PEX5L: variants seen among roughly 807,000 people sequenced by gnomAD.
PEX5L encodes PEX5-related protein.
A neutral mutation model predicts 84.0 loss-of-function variants in PEX5L; 30 were observed. The ratio of observed to expected loss-of-function variants is 0.36; its 90% CI spans 0.27 to 0.48. The LOEUF is 0.48. PEX5L is among the 20% of genes least tolerant of loss of function. The pLI is 0.99. For missense variants in PEX5L, 533 were observed against 754.6 expected (o/e 0.71, Z 3.44); for synonymous variants, 270 against 283.1 (o/e 0.95, Z 0.46).
chr3:179,945,005 A>G (rs1777135935), intron 2 of PEX5L, among the ~76,000 whole-genome samples: 1 of 152,240 alleles, frequency 6.6e-6, no homozygotes, highest in Admixed American at 6.5e-5. Flanking sequence ...GCTGATTTCA[A>G]AGTTACATTT....
intron 3 of PEX5L, among the ~76,000 whole-genome samples, chr3:179,893,230 T>TGA (rs1758140547): frequency 6.6e-6 from 1 of 152,128 alleles, no homozygotes; most frequent in African/African-American, 2.4e-5. Context: ...CAATACAGTG[T>TGA]TTTCTTTGTG....
chr3:179,888,231 T>C, intron 3 of PEX5L: 1 of 1,150,576 alleles, frequency 8.7e-7, no homozygotes, highest in Non-Finnish European at 1.2e-6. Context: ...AACACACGGA[T>C]CAGTGTGGGT....
At chr3:179,807,171 T>C (rs1194547790) in intron 14 of PEX5L, among the ~76,000 whole-genome samples, 1 of 152,172 alleles carries the variant, frequency 6.6e-6, no homozygotes, top group East Asian at 1.9e-4. Context: ...TTTTTTCTTT[T>C]CTCCCAACTA....
chr3:180,030,262 G>C (rs1791332322), intron 1 of PEX5L, among the ~76,000 whole-genome samples: 1 of 152,154 alleles, frequency 6.6e-6, no homozygotes, highest in African/African-American at 2.4e-5. Context: ...TCTTGGAATA[G>C]GGGCCTATGT....
chr3:179,914,370 G>C (rs941593961), intron 2 of PEX5L, among the ~76,000 whole-genome samples: 3 of 152,162 alleles, frequency 2.0e-5, no homozygotes, highest in African/African-American at 7.2e-5. Context: ...ACTGTGCTCT[G>C]TCTGCAGAGG....
intron 8 of PEX5L, 84 bp downstream of exon 8, chr3:179,858,978 C>T: frequency 1.2e-6 from 1 of 819,984 alleles, no homozygotes; most frequent in South Asian, 1.4e-5. Context: ...AGACCCATTT[C>T]ATTTCTATCT....
At chr3:179,992,556 A>ATTTTATGCC (rs1176434356) in intron 1 of PEX5L, among the ~76,000 whole-genome samples, 1 of 152,208 alleles carries the variant, frequency 6.6e-6, no homozygotes, top group Non-Finnish European at 1.5e-5. Context: ...TAAACACTGA[A>ATTTTATGCC]TTTTATGCCA....
At chr3:179,972,237 T>C (rs907361081) in intron 1 of PEX5L, among the ~76,000 whole-genome samples, 4 of 151,924 alleles carry the variant, frequency 2.6e-5, no homozygotes, top group Non-Finnish European at 5.9e-5. Context: ...AAATTAGGTA[T>C]TCGAAAAGTT....
At chr3:179,830,825 C>A (rs1320180391) in intron 8 of PEX5L, among the ~76,000 whole-genome samples, 1 of 152,118 alleles carries the variant, frequency 6.6e-6, no homozygotes, top group African/African-American at 2.4e-5. Context: ...GAGAAAAAAC[C>A]CCACTCTCTG....
intron 7 of PEX5L, among the ~76,000 whole-genome samples, chr3:179,861,671 C>A (rs1385223543): frequency 6.6e-6 from 1 of 152,216 alleles, no homozygotes. Flanking sequence ...AGACACCTGA[C>A]ACAGGGAGGG....
chr3:179,810,764 G>A (rs1723449986), intron 11 of PEX5L, among the ~76,000 whole-genome samples: 1 of 152,180 alleles, frequency 6.6e-6, no homozygotes, highest in East Asian at 1.9e-4. Context: ...ACACCTGGGA[G>A]TTTTAAAACT....
intron 1 of PEX5L, among the ~76,000 whole-genome samples, chr3:180,019,189 T>C (rs1352991484): frequency 2.0e-5 from 3 of 152,114 alleles, no homozygotes. Context: ...TTTAAGGCCA[T>C]ATAGGGTCAC....
chr3:179,874,046 T>C (rs1751271349), intron 7 of PEX5L, among the ~76,000 whole-genome samples: 1 of 152,020 alleles, frequency 6.6e-6, no homozygotes, highest in African/African-American at 2.4e-5. Context: ...TACAAAATAA[T>C]AGAACAGTAA....
At chr3:179,904,361 A>G (rs1394424593) in intron 2 of PEX5L, among the ~76,000 whole-genome samples, 1 of 152,186 alleles carries the variant, frequency 6.6e-6, no homozygotes, top group Non-Finnish European at 1.5e-5. Context: ...AATTGACACT[A>G]TTTGTTTTAC....
intron 2 of PEX5L, among the ~76,000 whole-genome samples, chr3:179,937,997 C>T (rs528467129): frequency 6.6e-6 from 1 of 152,152 alleles, no homozygotes; most frequent in Non-Finnish European, 1.5e-5. Flanking sequence ...ACCACCTCCT[C>T]CATCTCTACC....
At chr3:179,847,955 T>C (rs1436061333) in intron 8 of PEX5L, among the ~76,000 whole-genome samples, 1 of 150,606 alleles carries the variant, frequency 6.6e-6, no homozygotes, top group Admixed American at 6.7e-5. Flanking sequence ...GCCTTGGTGT[T>C]CCAACGTTTG....
intron 2 of PEX5L, among the ~76,000 whole-genome samples, chr3:179,937,643 G>T (rs1774969114): frequency 6.6e-6 from 1 of 152,152 alleles, no homozygotes. Flanking sequence ...TAGGACACAT[G>T]TAGCCTCATG....
At chr3:179,843,961 C>T (rs915878941) in intron 8 of PEX5L, among the ~76,000 whole-genome samples, 25 of 152,162 alleles carry the variant, frequency 1.6e-4, no homozygotes, top group Admixed American at 1.3e-3. Flanking sequence ...GAGGCAGAGA[C>T]CAGGTGTAAA....
At chr3:179,858,460 C>T (rs1465666580) in intron 8 of PEX5L, among the ~76,000 whole-genome samples, 1 of 151,946 alleles carries the variant, frequency 6.6e-6, no homozygotes, top group Non-Finnish European at 1.5e-5. Flanking sequence ...TTCTCTCTCT[C>T]TCTTTCTTAT....
Sources: allele counts gnomAD v4.1 joint callset (sites outside exome capture counted in the v4.1 genomes callset), GRCh38; gene constraint gnomAD v4.1.1; transcripts MANE v1.5; gene names NCBI Gene and HGNC (gene_info 2026-07-23, HGNC 2026-07-21).